NMBR: variants seen among roughly 807,000 people sequenced by gnomAD.
NMBR encodes the protein neuromedin B receptor.
In NMBR, 16 loss-of-function variants were observed where a neutral mutation model predicts 20.5. That is an observed-to-expected ratio of 0.78 (90% CI 0.53 to 1.19). The LOEUF (loss-of-function observed/expected upper bound fraction) is 1.19, where lower values mean the gene tolerates loss of function less well. Among genes scored for constraint, NMBR ranks in the 50% most tolerant of loss-of-function variants. The probability of loss-of-function intolerance (pLI) is 0.00; values close to 1 mark genes in which losing one functional copy is unlikely to be tolerated. For synonymous variants in NMBR, 212 were observed against 196.6 expected, an observed-to-expected ratio of 1.08 and a Z score of -0.65; for missense variants, 582 against 499.1, an observed-to-expected ratio of 1.17 and a Z score of -1.58.
intron 1 of NMBR, among the ~76,000 whole-genome samples, chr6:142,145,020 T>TAAAAAAAAAAAAAAAAA (rs34522158): frequency 1.0e-5 from 1 of 97,566 alleles, no homozygotes; most frequent in Non-Finnish European, 1.9e-5. Context: ...AGAACCTGTC[T>TAAAAAAAAAAAAAAAAA]AAAAAAAAAA....
At chr6:142,086,992 T>G (rs1777211588) in intron 2 of NMBR, among the ~76,000 whole-genome samples, 1 of 152,182 alleles carries the variant, frequency 6.6e-6, no homozygotes, top group African/African-American at 2.4e-5. Flanking sequence ...TATTTTTGCT[T>G]TGGAATTCAG....
At chr6:142,137,217 T>C (rs1326652532) in intron 1 of NMBR, among the ~76,000 whole-genome samples, 1 of 152,210 alleles carries the variant, frequency 6.6e-6, no homozygotes, top group Non-Finnish European at 1.5e-5. Context: ...TCACGTCCCT[T>C]GTAAGTTGGA....
chr6:142,144,269 C>T (rs1778397875), intron 1 of NMBR, among the ~76,000 whole-genome samples: 1 of 152,166 alleles, frequency 6.6e-6, no homozygotes, highest in African/African-American at 2.4e-5. Flanking sequence ...TAAAAAGATA[C>T]AGCTATAGAT....
At chr6:142,083,608 C>T (rs938104936) in intron 2 of NMBR, among the ~76,000 whole-genome samples, 3 of 152,120 alleles carry the variant, frequency 2.0e-5, no homozygotes, top group African/African-American at 7.2e-5. Flanking sequence ...GGGCAAATTT[C>T]CCCTTCCTGT....
At chr6:142,122,591 G>A (rs1161452690) in intron 1 of NMBR, among the ~76,000 whole-genome samples, 2 of 151,934 alleles carry the variant, frequency 1.3e-5, no homozygotes, top group Admixed American at 1.3e-4. Context: ...AGAAGTCAAT[G>A]CCTGGGTTCA....
At position 142,115,978 on chromosome 6, in the gene NMBR, C is replaced by A. The variant is rs187421253; in HGVS notation, c.-663-26657G>T. Among the ~76,000 whole-genome samples, 134 of 151,972 alleles carry A rather than the reference C, an allele frequency of 8.8e-4. No homozygotes were observed. In the East Asian group the frequency reaches 0.024, roughly 27 times the overall value. On this transcript the variant is annotated intron_variant, in intron 1 of 3. Coordinates refer to ENST00000258042, the MANE Select transcript of NMBR (RefSeq NM_002511.4). The stretch of plus-strand genomic sequence containing the variant: ...AGGTCATTAAATTATGAGGGTGGGT[C>A]TTTCCTGCACTGTTCTCTGATAGTG...
intron 1 of NMBR, among the ~76,000 whole-genome samples, chr6:142,117,814 A>C (rs1227549837): frequency 6.6e-6 from 1 of 151,970 alleles, no homozygotes; most frequent in Non-Finnish European, 1.5e-5. Context: ...TTCTTTGCCA[A>C]ACAAGGCAAT....
intron 2 of NMBR, among the ~76,000 whole-genome samples, chr6:142,081,363 G>T (rs969277410): frequency 4.6e-5 from 7 of 152,092 alleles, no homozygotes; most frequent in Non-Finnish European, 7.4e-5. Context: ...AAAACAAAAA[G>T]TCTCTCATTT....
rs113485747 is a variant in NMBR, at chr6:142,092,668, G to A, written c.-663-3347C>T. On this transcript the variant is annotated intron_variant, in intron 1 of 3. Transcript: ENST00000258042. The stretch of plus-strand genomic sequence containing the variant: ...AACAGATGAGATGAGCTCTACCATC[G>A]CTCTATCTTACTGCCTAGAGAAAGA... Among the ~76,000 whole-genome samples, 543 of 152,236 alleles carry A rather than the reference G, an allele frequency of 3.6e-3. 4 individuals are homozygous for A. The highest frequency in any genetic ancestry group is 0.012 in the African/African-American group (515 of 41,548).
intron 1 of NMBR, among the ~76,000 whole-genome samples, chr6:142,089,660 T>A (rs12665804): frequency 0.12 from 18,061 of 152,182 alleles, 1,316 homozygotes; most frequent in African/African-American, 0.19. Context: ...CTCTTGTGTC[T>A]AGGTTCTTTC....
intron 1 of NMBR, among the ~76,000 whole-genome samples, chr6:142,122,510 A>G (rs918396373): frequency 6.6e-6 from 1 of 152,002 alleles, no homozygotes; most frequent in Non-Finnish European, 1.5e-5. Flanking sequence ...ACACAAAACA[A>G]CAGATTTTCT....
chr6:142,079,145 A>G lies in NMBR; in HGVS notation c.423-242T>C, dbSNP rs564538500. Among the ~76,000 whole-genome samples, 32 of 78,344 alleles carry G rather than the reference A, an allele frequency of 4.1e-4. 2 individuals carry two copies. Among genetic ancestry groups the G allele is most frequent in the African/African-American group, 2.1e-3 (30 of 14,568 alleles). 51.4% of individuals were successfully genotyped at this position (78,344 alleles called of 152,430 possible). On this transcript the variant is annotated intron_variant, in intron 2 of 3. Coordinates refer to ENST00000258042, the MANE Select transcript of NMBR (RefSeq NM_002511.4). ...AAGAAAGAAGAAAGAAAGAAAGAAAAAGAAGAGAGGAGAGGAGAGGAAAGG... is the reference window on the plus strand; with the variant it reads ...AAGAAAGAAGAAAGAAAGAAAGAAAGAGAAGAGAGGAGAGGAGAGGAAAGG...
rs73579801 is a variant in NMBR at position 142,145,466 on chromosome 6, T to C, written c.-664+1578A>G. Among the ~76,000 whole-genome samples the C allele has an allele frequency of 3.8e-3, 573 of 152,370 alleles. 3 individuals carry two copies. Among genetic ancestry groups the C allele is most frequent in the African/African-American group, 0.012 (496 of 41,588 alleles). On this transcript the variant is annotated intron_variant, in intron 1 of 3. Transcript: ENST00000258042. ...CCTAGTGCAAGTTATCTAGATTCTA[T>C]GTGTCTTATTTTTCTCATCTGTAAA...
rs759317479 is a variant in NMBR at position 142,078,535 on chromosome 6, CCCACG to C, written c.771+15_771+19del. 165 of 1,416,152 alleles carry C rather than the reference CCCACG, an allele frequency of 1.2e-4. No individual in the cohort carries two copies. The highest frequency in any genetic ancestry group is 1.4e-4 in the Non-Finnish European group (148 of 1,025,456). The allele number at this position is 1,416,152 out of a possible 1,614,324, so 87.7% of individuals were successfully genotyped here. A position where few individuals can be genotyped will look rare whatever the true frequency, so the allele number is the denominator to read the frequency against. The stretch of plus-strand genomic sequence containing the variant: ...ACTTGTTCTGACCACACACCACCAA[CCCACG>C]CCTACTAAGCTTACCTGTTTTTTGG... On this transcript the variant is annotated intron_variant, in intron 3 of 3. Coordinates refer to ENST00000258042, the MANE Select transcript of NMBR (RefSeq NM_002511.4).
chr6:142,085,547 T>C (rs77634133), intron 2 of NMBR, among the ~76,000 whole-genome samples: 1,808 of 152,112 alleles, frequency 0.012, 13 homozygotes, highest in Non-Finnish European at 0.019. Flanking sequence ...ATAATAATAA[T>C]CACAGATACC....
At chr6:142,118,355 AGTTT>A (rs1481974336) in intron 1 of NMBR, among the ~76,000 whole-genome samples, 20 of 152,030 alleles carry the variant, frequency 1.3e-4, no homozygotes, top group Non-Finnish European at 2.9e-5. Flanking sequence ...TGCTAATGAC[AGTTT>A]TTGATTACTT....
Position 142,112,395 on chromosome 6 carries a change from G to C in NMBR, c.-663-23074C>G, listed in dbSNP as rs73777126. Among the ~76,000 whole-genome samples, 681 of 152,212 alleles carry C rather than the reference G, an allele frequency of 4.5e-3. 2 individuals carry two copies. The highest frequency in any genetic ancestry group is 0.016 in the African/African-American group (658 of 41,558). ...GGTGAACAACTAGGCTTAGTTTTCA[G>C]TGGAAAAAGATGCTTTATTTTTTTC... On this transcript the variant is annotated intron_variant, in intron 1 of 3. Transcript: ENST00000258042.
intron 1 of NMBR, among the ~76,000 whole-genome samples, chr6:142,102,369 G>A (rs1010461195): frequency 7.1e-5 from 10 of 140,554 alleles, no homozygotes; most frequent in African/African-American, 2.6e-4. Flanking sequence ...CAGCCTGGGT[G>A]ACAGAGCAAC....
chr6:142,080,064 A>G (rs1170174926), intron 2 of NMBR, among the ~76,000 whole-genome samples: 1 of 152,208 alleles, frequency 6.6e-6, no homozygotes, highest in African/African-American at 2.4e-5. Flanking sequence ...TTTTAGTTAG[A>G]CAAATCTGAA....
Sources: gnomAD v4.1 joint callset for allele counts (sites outside exome capture counted in the v4.1 genomes callset) on GRCh38, gnomAD v4.1.1 for gene constraint, MANE v1.5 for transcripts, NCBI Gene and HGNC (gene_info 2026-07-23, HGNC 2026-07-21) for gene names.